Variants in ENTHD1 observed in about 807,000 individuals in gnomAD.
The protein encoded by ENTHD1 is ENTH domain-containing protein 1.
ENTHD1 carries 23 observed loss-of-function variants against 39.1 expected under a neutral mutation model. The ratio of observed to expected loss-of-function variants is 0.59; its 90% CI spans 0.42 to 0.83. The LOEUF is 0.83. ENTHD1 is among the 40% of genes least tolerant of loss of function. The pLI is 0.00. For missense variants in ENTHD1, 624 were observed against 705.4 expected, an observed-to-expected ratio of 0.88 and a Z score of 1.31; for synonymous variants, 230 against 258.2, an observed-to-expected ratio of 0.89 and a Z score of 1.05.
chr22:39,784,269 A>G (rs2146590440), intron 5 of ENTHD1, among the ~76,000 whole-genome samples: 1 of 152,242 alleles, frequency 6.6e-6, no homozygotes, highest in East Asian at 1.9e-4. Context: ...GAATGTGGAG[A>G]AAGGGTAACT....
chr22:39,850,824 C>T (rs915236395), intron 3 of ENTHD1, among the ~76,000 whole-genome samples: 3 of 152,142 alleles, frequency 2.0e-5, no homozygotes, highest in African/African-American at 7.2e-5. Context: ...CCCCCACTTA[C>T]ATACCGTGGC....
chr22:39,860,933 G>A (rs985974640), intron 3 of ENTHD1, among the ~76,000 whole-genome samples: 1 of 152,182 alleles, frequency 6.6e-6, no homozygotes, highest in Non-Finnish European at 1.5e-5. Context: ...TAAAAGTTCA[G>A]TAGTCCATAT....
intron 5 of ENTHD1, among the ~76,000 whole-genome samples, chr22:39,810,923 T>C (rs1366020298): frequency 1.3e-5 from 2 of 152,222 alleles, no homozygotes; most frequent in Non-Finnish European, 2.9e-5. Flanking sequence ...CTCTGCTATG[T>C]CCTTCAATAG....
chr22:39,752,499 T>C (rs1248949489), intron 6 of ENTHD1, among the ~76,000 whole-genome samples: 1 of 152,220 alleles, frequency 6.6e-6, no homozygotes, highest in East Asian at 1.9e-4. Flanking sequence ...CAACTGAGAA[T>C]ACACTAAAAG....
chr22:39,760,888 C>T (rs1462801782), intron 6 of ENTHD1, among the ~76,000 whole-genome samples: 1 of 151,998 alleles, frequency 6.6e-6, no homozygotes, highest in Non-Finnish European at 1.5e-5. Flanking sequence ...ATTCCATGAA[C>T]TTTCCATTCT....
intron 4 of ENTHD1, among the ~76,000 whole-genome samples, chr22:39,825,435 G>T (rs2065819011): frequency 6.6e-6 from 1 of 152,078 alleles, no homozygotes; most frequent in Admixed American, 6.5e-5. Context: ...TTAAACTTGG[G>T]ATCAGGGTAA....
chr22:39,771,302 A>C (rs2065321729), intron 5 of ENTHD1, among the ~76,000 whole-genome samples: 1 of 152,160 alleles, frequency 6.6e-6, no homozygotes, highest in African/African-American at 2.4e-5. Context: ...AAGAGTTAGA[A>C]GGCGGAGAAC....
chr22:39,746,728 A>T (rs1452823949), intron 6 of ENTHD1, among the ~76,000 whole-genome samples: 1 of 152,174 alleles, frequency 6.6e-6, no homozygotes, highest in Non-Finnish European at 1.5e-5. Flanking sequence ...TCTAGCTACC[A>T]GGGTGCTGGG....
At chr22:39,832,205 G>A (rs2065874555) in intron 4 of ENTHD1, among the ~76,000 whole-genome samples, 2 of 152,092 alleles carry the variant, frequency 1.3e-5, no homozygotes, top group South Asian at 4.1e-4. Context: ...CAGCTGCTTG[G>A]GAGGCTGAGG....
chr22:39,879,374 A>G (rs889385915), intron 2 of ENTHD1, among the ~76,000 whole-genome samples: 23 of 148,638 alleles, frequency 1.5e-4, no homozygotes, highest in Admixed American at 1.5e-3. Context: ...GAGGCAGGAG[A>G]ATGGTGGGAA....
intron 5 of ENTHD1, among the ~76,000 whole-genome samples, chr22:39,788,460 C>T (rs796652646): frequency 4.6e-5 from 7 of 152,142 alleles, no homozygotes; most frequent in African/African-American, 1.7e-4. Flanking sequence ...CATGATCAAA[C>T]TTGAACGAAT....
intron 6 of ENTHD1, among the ~76,000 whole-genome samples, chr22:39,756,837 A>G (rs1282542208): frequency 6.6e-6 from 1 of 152,188 alleles, no homozygotes; most frequent in Non-Finnish European, 1.5e-5. Flanking sequence ...TGATACAAAA[A>G]TATATGTACA....
At chr22:39,800,024 C>G (rs1017624041) in intron 5 of ENTHD1, among the ~76,000 whole-genome samples, 11 of 152,342 alleles carry the variant, frequency 7.2e-5, no homozygotes, top group African/African-American at 2.6e-4. Context: ...GGAGCCAGCA[C>G]AAGCTCCCTC....
At chr22:39,840,457 A>G (rs1405958154) in intron 3 of ENTHD1, among the ~76,000 whole-genome samples, 1 of 152,194 alleles carries the variant, frequency 6.6e-6, no homozygotes, top group Non-Finnish European at 1.5e-5. Flanking sequence ...TGCACCATAC[A>G]TTTTGGAAAT....
At chr22:39,875,378 G>A in intron 2 of ENTHD1, 1 of 1,426,014 alleles carries the variant, frequency 7.0e-7, no homozygotes, top group Non-Finnish European at 9.1e-7. Flanking sequence ...GCGGCCCTTG[G>A]TGCAGGCCAC....
intron 4 of ENTHD1, among the ~76,000 whole-genome samples, chr22:39,829,822 A>T (rs970570632): frequency 4.0e-5 from 6 of 151,494 alleles, no homozygotes; most frequent in African/African-American, 1.5e-4. Context: ...ATAAATAAAT[A>T]AATAAAATAA....
chr22:39,878,319 G>A (rs1322657622), intron 2 of ENTHD1, among the ~76,000 whole-genome samples: 1 of 152,014 alleles, frequency 6.6e-6, no homozygotes, highest in African/African-American at 2.4e-5. Flanking sequence ...AGAACTATGG[G>A]ACAACTATAA....
chr22:39,818,061 G>A (rs2065747244), intron 5 of ENTHD1, among the ~76,000 whole-genome samples: 1 of 152,210 alleles, frequency 6.6e-6, no homozygotes, highest in African/African-American at 2.4e-5. Flanking sequence ...TGAACAGAAT[G>A]AGGTGGAAGT....
intron 2 of ENTHD1, chr22:39,876,080 G>A: frequency 6.2e-7 from 1 of 1,612,788 alleles, no homozygotes; most frequent in Non-Finnish European, 8.5e-7. Context: ...CCCCACGTAT[G>A]AGTTCACCAG....
Sources: gnomAD v4.1 joint callset for allele counts (sites outside exome capture counted in the v4.1 genomes callset) on GRCh38, gnomAD v4.1.1 for gene constraint, MANE v1.5 for transcripts, NCBI Gene and HGNC (gene_info 2026-07-23, HGNC 2026-07-21) for gene names.